CNGA1: variants seen among roughly 807,000 people sequenced by gnomAD.
CNGA1 encodes cyclic nucleotide gated channel subunit alpha 1, also known as cyclic nucleotide-gated channel alpha-1.
Under a neutral mutation model 69.7 loss-of-function variants are expected in CNGA1, and 53 were observed. That is an observed-to-expected ratio of 0.76 (90% CI 0.61 to 0.96). The LOEUF (loss-of-function observed/expected upper bound fraction) is 0.96. Among genes scored for constraint, CNGA1 ranks in the 40% least tolerant of loss-of-function variants. The pLI is 0.00. For missense variants in CNGA1, 739 were observed against 811.2 expected, an observed-to-expected ratio of 0.91 and a Z score of 1.08; for synonymous variants, 249 against 283.5, an observed-to-expected ratio of 0.88 and a Z score of 1.22.
chr4:47,971,697 C>A (rs1741050448), intron 3 of CNGA1, among the ~76,000 whole-genome samples: 2 of 152,156 alleles, frequency 1.3e-5, no homozygotes, highest in African/African-American at 4.8e-5. Context: ...AGTTTCAGAT[C>A]AGCCTGGCCA....
intron 2 of CNGA1, among the ~76,000 whole-genome samples, chr4:48,006,765 G>A (rs1560315565): frequency 6.6e-6 from 1 of 152,072 alleles, no homozygotes; most frequent in South Asian, 2.1e-4. Flanking sequence ...GTGATTACAG[G>A]TGTGTGCCAC....
Position 47,936,801 on chromosome 4 carries a change from T to C in CNGA1, c.1681A>G (p.Ile561Val). ...SKAGNRRTAN[I>V]KSIGYSDLFC... is the part of the protein sequence containing the mutation. Reference sequence around the variant, plus strand: ...AGGTCTGAGTAGCCAATACTTTTAATATTGGCCGTTCTTCGATTGCCAGCT... The same window carrying C: ...AGGTCTGAGTAGCCAATACTTTTAACATTGGCCGTTCTTCGATTGCCAGCT... Residue 561 changes from isoleucine to valine, a missense_variant, in exon 11 of 11, where the codon ATT (isoleucine) becomes GTT (valine). By Grantham distance (29) the Ile-to-Val change is conservative (BLOSUM62 3). Transcript: ENST00000514170. The C allele has an allele frequency of 6.2e-7, 1 of 1,614,184 alleles. No homozygotes were observed. The highest frequency in any genetic ancestry group is 2.2e-5 in the East Asian group (1 of 44,884).
At chr4:48,011,987 C>G (rs1715187094) in intron 1 of CNGA1, among the ~76,000 whole-genome samples, 2 of 152,174 alleles carry the variant, frequency 1.3e-5, no homozygotes, top group African/African-American at 4.8e-5. Flanking sequence ...AGAAAAAGAT[C>G]TAGCTATGTT....
intron 6 of CNGA1, 115 bp downstream of exon 6, chr4:47,949,718 A>G: frequency 1.3e-6 from 1 of 747,316 alleles, no homozygotes; most frequent in Non-Finnish European, 2.3e-6. Flanking sequence ...TTGCCATTGT[A>G]TTAGATCATT....
chr4:47,944,838 G>A (rs907814757), intron 6 of CNGA1, among the ~76,000 whole-genome samples: 8 of 152,156 alleles, frequency 5.3e-5, no homozygotes, highest in Middle Eastern at 3.2e-3. Flanking sequence ...ACTAATGGCA[G>A]TGCTTACCCA....
intron 3 of CNGA1, among the ~76,000 whole-genome samples, chr4:47,957,601 CAGAG>C (rs1441098912): frequency 6.6e-6 from 1 of 151,932 alleles, no homozygotes; most frequent in Non-Finnish European, 1.5e-5. Context: ...GCCTGGGTGA[CAGAG>C]AGTGACCTCA....
intron 2 of CNGA1, among the ~76,000 whole-genome samples, chr4:47,988,567 C>A (rs554886082): frequency 1.3e-5 from 2 of 152,232 alleles, no homozygotes; most frequent in African/African-American, 4.8e-5. Context: ...CCTTCCACAG[C>A]TCTTTGAGTG....
chr4:48,001,444 G>C (rs1400702550), intron 2 of CNGA1, among the ~76,000 whole-genome samples: 1 of 152,160 alleles, frequency 6.6e-6, no homozygotes, highest in Non-Finnish European at 1.5e-5. Flanking sequence ...ACTCCAGCCT[G>C]GGTGACAGAG....
chr4:47,990,276 C>A (rs1742200541), intron 2 of CNGA1, among the ~76,000 whole-genome samples: 1 of 151,904 alleles, frequency 6.6e-6, no homozygotes, highest in Admixed American at 6.6e-5. Context: ...TCACTGAATT[C>A]TTTTCTCAGC....
chr4:47,954,793 C>G (rs542727306), intron 3 of CNGA1, among the ~76,000 whole-genome samples: 1 of 152,178 alleles, frequency 6.6e-6, no homozygotes, highest in African/African-American at 2.4e-5. Flanking sequence ...GAAAACCTTA[C>G]GAGCCTTTTT....
chr4:47,943,751 T>G (rs977029592), intron 6 of CNGA1, among the ~76,000 whole-genome samples: 1 of 152,202 alleles, frequency 6.6e-6, no homozygotes, highest in African/African-American at 2.4e-5. Context: ...TATTTAAAAT[T>G]TAAGCTTCTT....
Position 47,951,366 on chromosome 4 carries a change from C to T in CNGA1, c.211G>A (p.Gly71Arg), listed in dbSNP as rs186611254. Residue 71 changes from glycine (G) to arginine (R), a missense_variant, in exon 5 of 11, where the codon GGA becomes AGA. Coordinates refer to ENST00000514170, the MANE Select transcript of CNGA1 (RefSeq NM_001379270.1). The stretch of plus-strand genomic sequence containing the variant: ...CATACTGCTCACCTCTGTGATGGTC[C>T]TCCCTTTCTGAGTGACTTATAACTA... Reference protein sequence around the residue: ...SFSYKSLRKGGPSQREQYLPG... With the variant: ...SFSYKSLRKGRPSQREQYLPG... The T allele has an allele frequency of 1.9e-6, 3 of 1,604,708 alleles. No individual in the cohort carries two copies. The highest frequency in any genetic ancestry group is 2.6e-6 in the Non-Finnish European group (3 of 1,171,648).
chr4:47,994,373 A>T (rs890309897), intron 2 of CNGA1, among the ~76,000 whole-genome samples: 1 of 152,192 alleles, frequency 6.6e-6, no homozygotes, highest in African/African-American at 2.4e-5. Context: ...TTAGGCGCAT[A>T]TATGTTTAGG....
chr4:47,990,474 C>T (rs774773645), intron 2 of CNGA1, among the ~76,000 whole-genome samples: 5 of 152,116 alleles, frequency 3.3e-5, no homozygotes, highest in African/African-American at 9.7e-5. Flanking sequence ...TCTCTGCTTT[C>T]GAACCCTGTT....
chr4:48,001,003 C>T (rs1270699755), intron 2 of CNGA1, among the ~76,000 whole-genome samples: 1 of 152,088 alleles, frequency 6.6e-6, no homozygotes, highest in Non-Finnish European at 1.5e-5. Flanking sequence ...CTAACCACAT[C>T]AATTTTTATA....
At chr4:47,942,644 G>A (rs1316149986) in intron 8 of CNGA1, among the ~76,000 whole-genome samples, 1 of 152,164 alleles carries the variant, frequency 6.6e-6, no homozygotes, top group Non-Finnish European at 1.5e-5. Context: ...GGGCCACACA[G>A]CAGGAGGTGA....
rs1738746186 is a variant in CNGA1 at position 47,937,516 on chromosome 4, T to C, written c.966A>G (p.Gly322=). 1.2e-6 allele frequency: 2 copies of C among 1,614,012 alleles called. No individual in the cohort carries two copies. The highest frequency in any genetic ancestry group is 1.7e-6 in the Non-Finnish European group (2 of 1,180,008). ...CVFYSISKAI[G]FGNDTWVYPD... ...GGTAGACCCATGTATCATTTCCAAA[T>C]CCAATAGCTTTAGAAATAGAGTAGA... Residue 322 remains glycine (G), a synonymous_variant, in exon 11 of 11, where the codon GGA becomes GGG. Transcript: ENST00000514170.
chr4:48,000,206 GAAGC>G (rs1463783588), intron 2 of CNGA1, among the ~76,000 whole-genome samples: 1 of 151,988 alleles, frequency 6.6e-6, no homozygotes, highest in African/African-American at 2.4e-5. Context: ...TGGTACCCTA[GAAGC>G]AAGGAGGTAA....
chr4:47,948,716 C>A (rs185543619), intron 6 of CNGA1, among the ~76,000 whole-genome samples: 19 of 152,292 alleles, frequency 1.2e-4, no homozygotes, highest in Admixed American at 3.3e-4. Context: ...GATGTATTTG[C>A]ACCTAGGTGG....
Sources: allele counts gnomAD v4.1 joint callset (sites outside exome capture counted in the v4.1 genomes callset), GRCh38; gene constraint gnomAD v4.1.1; transcripts MANE v1.5; gene names NCBI Gene and HGNC (gene_info 2026-07-23, HGNC 2026-07-21).